CDH12: variants seen among roughly 807,000 people sequenced by gnomAD.
The protein encoded by CDH12 is cadherin-12.
A neutral mutation model predicts 74.1 loss-of-function variants in CDH12; 41 were observed. That is an observed-to-expected ratio of 0.55 (90% CI 0.43 to 0.72). The LOEUF is 0.72. Ranked by LOEUF, CDH12 falls within the 30% of genes least tolerant of loss-of-function variation. CDH12 has a pLI of 0.00. For synonymous variants in CDH12, 399 were observed against 355.0 expected (o/e 1.12, Z -1.39); for missense variants, 945 against 977.2 (o/e 0.97, Z 0.44).
At chr5:22,504,909 TA>T (rs533236296) in intron 2 of CDH12, among the ~76,000 whole-genome samples, 2 of 151,564 alleles carry the variant, frequency 1.3e-5, no homozygotes, top group African/African-American at 4.8e-5. Flanking sequence ...CAAAGCATCA[TA>T]AAAAAACAGA....
chr5:22,132,512 T>A (rs994774285), intron 4 of CDH12, among the ~76,000 whole-genome samples: 34 of 151,432 alleles, frequency 2.2e-4, no homozygotes, highest in African/African-American at 8.0e-4. Flanking sequence ...AGCAGCCTTG[T>A]GCAAGAGGCA....
intron 2 of CDH12, among the ~76,000 whole-genome samples, chr5:22,421,804 A>G (rs1743664585): frequency 6.6e-6 from 1 of 152,180 alleles, no homozygotes; most frequent in African/African-American, 2.4e-5. Flanking sequence ...AGTCCCACCG[A>G]CAGTGTAAAA....
intron 10 of CDH12, among the ~76,000 whole-genome samples, chr5:21,795,211 A>T (rs1746713260): frequency 6.6e-6 from 1 of 151,000 alleles, no homozygotes; most frequent in African/African-American, 2.4e-5. Context: ...AATAAATGTG[A>T]TTTTTTTTAA....
intron 4 of CDH12, among the ~76,000 whole-genome samples, chr5:22,155,329 G>T (rs1313495463): frequency 1.3e-5 from 2 of 152,080 alleles, no homozygotes; most frequent in African/African-American, 4.8e-5. Flanking sequence ...GGCCAACTTA[G>T]ACTATTGATT....
rs545927499 is a variant in CDH12 at position 21,781,309 on chromosome 5, A to G, written c.1393+2049T>C. On this transcript the variant is annotated intron_variant, in intron 11 of 14. Coordinates refer to ENST00000382254, the MANE Select transcript of CDH12 (RefSeq NM_004061.5). ...TTATAAGGTCTACCACTGGGTGCCC[A>G]TGTCAGATTCCTATGCGGAGGGGAC... Among the ~76,000 whole-genome samples, 12 of 152,274 alleles carry G rather than the reference A, an allele frequency of 7.9e-5. No individual in the cohort carries two copies. In the South Asian group the frequency reaches 2.5e-3, roughly 32 times the overall value.
chr5:21,932,103 A>C (rs1202926052), intron 6 of CDH12, among the ~76,000 whole-genome samples: 1 of 152,216 alleles, frequency 6.6e-6, no homozygotes, highest in Non-Finnish European at 1.5e-5. Flanking sequence ...TACACAAATG[A>C]AACAAACATG....
chr5:22,372,312 A>C (rs1490953869), intron 3 of CDH12, among the ~76,000 whole-genome samples: 2 of 152,144 alleles, frequency 1.3e-5, no homozygotes, highest in Non-Finnish European at 2.9e-5. Flanking sequence ...CTGAAAGCAA[A>C]GGAGAGGGAA....
chr5:22,066,545 C>T (rs903635319), intron 5 of CDH12, among the ~76,000 whole-genome samples: 2 of 152,114 alleles, frequency 1.3e-5, no homozygotes, highest in Admixed American at 6.5e-5. Flanking sequence ...GCCAGTGGCT[C>T]CTCAACCCAT....
intron 1 of CDH12, among the ~76,000 whole-genome samples, chr5:22,674,405 G>A (rs171993): frequency 6.6e-6 from 1 of 152,152 alleles, no homozygotes; most frequent in African/African-American, 2.4e-5. Context: ...TGATTGTGAG[G>A]CCTCCTCAGC....
At chr5:22,200,859 A>G (rs1189615626) in intron 4 of CDH12, among the ~76,000 whole-genome samples, 1 of 152,230 alleles carries the variant, frequency 6.6e-6, no homozygotes, top group Admixed American at 6.5e-5. Flanking sequence ...TGAATGACAC[A>G]GGCATAGAAC....
intron 3 of CDH12, among the ~76,000 whole-genome samples, chr5:22,266,624 A>T (rs906974044): frequency 1.3e-5 from 2 of 152,120 alleles, no homozygotes; most frequent in Non-Finnish European, 2.9e-5. Flanking sequence ...TTCTCTGGGC[A>T]TTGAAGATGT....
chr5:22,378,571 C>G (rs747690283), intron 3 of CDH12, among the ~76,000 whole-genome samples: 1 of 151,946 alleles, frequency 6.6e-6, no homozygotes, highest in African/African-American at 2.4e-5. Flanking sequence ...CCAAAAATGA[C>G]CACTAATAAA....
At chr5:22,431,114 C>T (rs1178661174) in intron 2 of CDH12, among the ~76,000 whole-genome samples, 1 of 152,108 alleles carries the variant, frequency 6.6e-6, no homozygotes, top group Non-Finnish European at 1.5e-5. Flanking sequence ...CAGTTGTTTT[C>T]AATTGCGTCA....
intron 3 of CDH12, among the ~76,000 whole-genome samples, chr5:22,264,166 A>G (rs1241869249): frequency 6.6e-6 from 1 of 151,878 alleles, no homozygotes; most frequent in Non-Finnish European, 1.5e-5. Flanking sequence ...TGCTGAGACA[A>G]AAATATATGA....
chr5:22,557,795 T>C (rs1413638453), intron 1 of CDH12, among the ~76,000 whole-genome samples: 1 of 152,130 alleles, frequency 6.6e-6, no homozygotes, highest in East Asian at 1.9e-4. Context: ...AGCTGACTAA[T>C]CTAATTAGTC....
intron 1 of CDH12, among the ~76,000 whole-genome samples, chr5:22,697,079 G>C (rs990251232): frequency 1.3e-5 from 2 of 152,108 alleles, no homozygotes; most frequent in Non-Finnish European, 2.9e-5. Flanking sequence ...ATTTCACTAG[G>C]GGAATCCCTT....
At chr5:21,934,862 T>C (rs145948339) in intron 6 of CDH12, among the ~76,000 whole-genome samples, 336 of 152,094 alleles carry the variant, frequency 2.2e-3, no homozygotes, top group Non-Finnish European at 3.1e-3. Context: ...TCTTGGCTCA[T>C]TGCAAGCTCC....
intron 4 of CDH12, among the ~76,000 whole-genome samples, chr5:22,093,076 G>A (rs957992384): frequency 6.6e-6 from 1 of 152,134 alleles, no homozygotes; most frequent in African/African-American, 2.4e-5. Context: ...GGGGTTCAGA[G>A]AGGTGGTTTA....
intron 1 of CDH12, among the ~76,000 whole-genome samples, chr5:22,726,544 C>G (rs1310455906): frequency 6.6e-6 from 1 of 151,826 alleles, no homozygotes; most frequent in Non-Finnish European, 1.5e-5. Flanking sequence ...AAACTCTCCT[C>G]CAAAGTGGCT....
Sources: gnomAD v4.1 joint callset for allele counts (sites outside exome capture counted in the v4.1 genomes callset) on GRCh38, gnomAD v4.1.1 for gene constraint, MANE v1.5 for transcripts, NCBI Gene and HGNC (gene_info 2026-07-23, HGNC 2026-07-21) for gene names.